Variants in NXPE2 observed in about 807,000 individuals in gnomAD.
The protein encoded by NXPE2 is neurexophilin and PC-esterase domain family member 2.
NXPE2 carries 34 observed loss-of-function variants against 34.4 expected under a neutral mutation model. The observed-to-expected ratio is 0.99, with a 90% CI of 0.75 to 1.31. The LOEUF is 1.31. Ranked by LOEUF, NXPE2 falls within the 40% of genes most tolerant of loss-of-function variation. The pLI, the probability that NXPE2 is intolerant of heterozygous loss-of-function variation, is 0.00. For synonymous variants in NXPE2, 235 were observed against 231.3 expected, an observed-to-expected ratio of 1.02 and a Z score of -0.15; for missense variants, 649 against 672.5, an observed-to-expected ratio of 0.97 and a Z score of 0.39.
chr11:114,467,279 A>G, the NXPE2 span, among the ~76,000 whole-genome samples: 1 of 152,230 alleles, frequency 6.6e-6, no homozygotes, highest in Non-Finnish European at 1.5e-5. Flanking sequence ...TTTTAAAAAC[A>G]TGTTTTAGTT....
At chr11:114,468,533 T>C in the NXPE2 span, among the ~76,000 whole-genome samples, 2 of 152,214 alleles carry the variant, frequency 1.3e-5, no homozygotes, top group Non-Finnish European at 1.5e-5. Flanking sequence ...TTTAAATTAT[T>C]GGTTCTTAAC....
the NXPE2 span, among the ~76,000 whole-genome samples, chr11:114,621,604 G>C: frequency 6.6e-6 from 1 of 152,088 alleles, no homozygotes; most frequent in Non-Finnish European, 1.5e-5. Flanking sequence ...TTTCCTCTAG[G>C]GTAACCACTG....
the NXPE2 span, among the ~76,000 whole-genome samples, chr11:114,641,964 G>T: frequency 9.2e-5 from 14 of 151,748 alleles, no homozygotes; most frequent in South Asian, 2.9e-3. Context: ...ATATTTTTGT[G>T]GTATATAACA....
At chr11:114,567,203 A>G in the NXPE2 span, among the ~76,000 whole-genome samples, 2 of 152,014 alleles carry the variant, frequency 1.3e-5, no homozygotes, top group Non-Finnish European at 2.9e-5. Context: ...AGCCTTCCAC[A>G]TTGGCTACAG....
chr11:114,591,502 G>A, the NXPE2 span, among the ~76,000 whole-genome samples: 8 of 152,150 alleles, frequency 5.3e-5, no homozygotes, highest in Non-Finnish European at 1.2e-4. Flanking sequence ...CAAGTCAGCA[G>A]CAAGAAAGCC....
the NXPE2 span, among the ~76,000 whole-genome samples, chr11:114,487,434 T>C: frequency 1.1e-4 from 17 of 152,288 alleles, no homozygotes; most frequent in South Asian, 4.1e-4. Flanking sequence ...TCACATCATC[T>C]GCAAACAAGG....
At chr11:114,575,221 C>T in the NXPE2 span, among the ~76,000 whole-genome samples, 10 of 151,986 alleles carry the variant, frequency 6.6e-5, no homozygotes, top group South Asian at 4.2e-4. Flanking sequence ...TACAACAAAC[C>T]CCTAGCCAAC....
the NXPE2 span, among the ~76,000 whole-genome samples, chr11:114,499,280 G>C: frequency 1.3e-5 from 2 of 152,024 alleles, no homozygotes; most frequent in Non-Finnish European, 2.9e-5. Context: ...ATCTGCAAGA[G>C]GCTTGTCCAT....
At chr11:114,649,681 G>A in the NXPE2 span, among the ~76,000 whole-genome samples, 2 of 152,310 alleles carry the variant, frequency 1.3e-5, no homozygotes, top group Non-Finnish European at 2.9e-5. Context: ...ACTGGAGGCG[G>A]GGGTAACAGG....
At chr11:114,678,969 C>A (rs1286054870) in intron 1 of NXPE2, among the ~76,000 whole-genome samples, 2 of 150,732 alleles carry the variant, frequency 1.3e-5, no homozygotes, top group Admixed American at 1.3e-4. Context: ...GGGTCCTGGT[C>A]AAAAATGTTT....
the NXPE2 span, among the ~76,000 whole-genome samples, chr11:114,562,282 G>C: frequency 6.6e-6 from 1 of 152,098 alleles, no homozygotes; most frequent in South Asian, 2.1e-4. Flanking sequence ...ATATTTCCTG[G>C]TGCTGAGTGC....
the NXPE2 span, among the ~76,000 whole-genome samples, chr11:114,534,845 G>C: frequency 6.6e-6 from 1 of 152,152 alleles, no homozygotes; most frequent in Admixed American, 6.5e-5. Flanking sequence ...GAACCAAGTT[G>C]GAAAACACTC....
At chr11:114,712,216 A>C in the NXPE2 span, among the ~76,000 whole-genome samples, 1 of 152,180 alleles carries the variant, frequency 6.6e-6, no homozygotes, top group East Asian at 1.9e-4. Context: ...AATAGAAGGG[A>C]AAGGATTTAG....
chr11:114,492,673 G>A, the NXPE2 span, among the ~76,000 whole-genome samples: 83 of 152,194 alleles, frequency 5.5e-4, no homozygotes, highest in African/African-American at 2.0e-3. Context: ...CAAGTAGCTG[G>A]GACTACAGGC....
chr11:114,794,609 T>A, the NXPE2 span, among the ~76,000 whole-genome samples: 5 of 152,156 alleles, frequency 3.3e-5, no homozygotes, highest in African/African-American at 1.2e-4. Context: ...CATAGAAGTT[T>A]GGCTGCAGGG....
At chr11:114,806,608 G>A in the NXPE2 span, among the ~76,000 whole-genome samples, 144 of 151,976 alleles carry the variant, frequency 9.5e-4, no homozygotes, top group African/African-American at 3.1e-3. Context: ...GATGGAAGAC[G>A]AAAGGAATGA....
rs377118564 is a variant in NXPE2, at chr11:114,698,817, G to A, written c.866+39G>A. ...TAAATACAATAGCAGATAAAAAGAG[G>A]TATCCGACCAAACTCTGCCTAGTAG... On this transcript the variant is annotated intron_variant, in intron 3 of 5. Transcript: ENST00000389586. 240 of 1,445,804 alleles carry A rather than the reference G, an allele frequency of 1.7e-4. 1 individual carries two copies. In the African/African-American group the frequency reaches 3.1e-3, roughly 19 times the overall value. 89.6% of individuals were successfully genotyped at this position (1,445,804 alleles called of 1,614,324 possible).
chr11:114,760,272 G>A, the NXPE2 span, among the ~76,000 whole-genome samples: 5 of 152,238 alleles, frequency 3.3e-5, no homozygotes, highest in African/African-American at 2.4e-5. Flanking sequence ...CACCACCAGA[G>A]GACACAGCAA....
At chr11:114,612,898 G>A in the NXPE2 span, among the ~76,000 whole-genome samples, 5 of 151,570 alleles carry the variant, frequency 3.3e-5, no homozygotes, top group African/African-American at 1.2e-4. Flanking sequence ...TCACGGGTAA[G>A]CACTGTTACC....
Sources: gnomAD v4.1 joint callset for allele counts (sites outside exome capture counted in the v4.1 genomes callset) on GRCh38, gnomAD v4.1.1 for gene constraint, MANE v1.5 for transcripts, NCBI Gene and HGNC (gene_info 2026-07-23, HGNC 2026-07-21) for gene names.